The following RABGEF1 variants were observed in gnomAD, a reference collection of about 807,000 sequenced individuals.
The protein encoded by RABGEF1 is rab5 GDP/GTP exchange factor.
In RABGEF1, 26 loss-of-function variants were observed where a neutral mutation model predicts 57.3. That is an observed-to-expected ratio of 0.45 (90% confidence interval 0.33 to 0.63). The LOEUF (loss-of-function observed/expected upper bound fraction) is 0.63. Among genes scored for constraint, RABGEF1 ranks in the 20% least tolerant of loss-of-function variants. The pLI, the probability that RABGEF1 is intolerant of heterozygous loss-of-function variation, is 0.02. For missense variants in RABGEF1, 464 were observed against 607.6 expected (o/e 0.76, Z 2.48); for synonymous variants, 185 against 210.7 (o/e 0.88, Z 1.06).
intron 8 of RABGEF1, among the ~76,000 whole-genome samples, chr7:66,806,353 T>G (rs1788432760): frequency 6.6e-6 from 1 of 152,196 alleles, no homozygotes; most frequent in Non-Finnish European, 1.5e-5. Context: ...TTCCTTTTCC[T>G]GTAAGTAGGT....
At chr7:66,797,571 A>T in intron 6 of RABGEF1, 65 bp downstream of exon 6, 1 of 1,529,824 alleles carries the variant, frequency 6.5e-7, no homozygotes, top group Non-Finnish European at 8.9e-7. Context: ...ACTGGGGGGA[A>T]AATAATGCAC....
chr7:66,781,251 A>C (rs1257001397), intron 3 of RABGEF1, among the ~76,000 whole-genome samples: 1 of 152,106 alleles, frequency 6.6e-6, no homozygotes, highest in Non-Finnish European at 1.5e-5. Flanking sequence ...ACCTACCTTC[A>C]AGTAGTATTA....
At chr7:66,741,605 T>C (rs2129048234) in intron 1 of RABGEF1, among the ~76,000 whole-genome samples, 1 of 152,164 alleles carries the variant, frequency 6.6e-6, no homozygotes, top group East Asian at 1.9e-4. Context: ...AGGTAGGAAA[T>C]TTTCCCAGGA....
chr7:66,792,786 G>C (rs1445408668), intron 4 of RABGEF1, among the ~76,000 whole-genome samples: 2 of 152,166 alleles, frequency 1.3e-5, no homozygotes, highest in Non-Finnish European at 2.9e-5. Flanking sequence ...AACCCATACT[G>C]AGCACTAACC....
At chr7:66,697,002 A>G (rs1792444205) in intron 1 of RABGEF1, among the ~76,000 whole-genome samples, 1 of 151,954 alleles carries the variant, frequency 6.6e-6, no homozygotes, top group Non-Finnish European at 1.5e-5. Context: ...TGCGTGGAGC[A>G]GAGAGAGGAC....
intron 4 of RABGEF1, among the ~76,000 whole-genome samples, chr7:66,795,139 A>T (rs952056998): frequency 2.0e-5 from 3 of 152,072 alleles, no homozygotes; most frequent in African/African-American, 7.2e-5. Flanking sequence ...CCAGGATTCT[A>T]GCTGCTGGCA....
chr7:66,807,113 C>T (rs1048139730), intron 8 of RABGEF1, among the ~76,000 whole-genome samples: 2 of 152,192 alleles, frequency 1.3e-5, no homozygotes, highest in African/African-American at 2.4e-5. Flanking sequence ...CGTGTTTGAG[C>T]GTAGCCACGG....
In RABGEF1 at chr7:66,799,378, C is replaced by A; in HGVS notation, c.784C>A (p.Pro262Thr). ...MLCVPVNEDI[P>T]EVSDMVVKAI... ...GTGTGTCCCTGTTAATGAAGACATC[C>A]CAGAAGTGTCTGATATGGTGGTGAA... The change falls in exon 7 of 9, where the codon CCA becomes ACA. Residue 262 changes from proline (P) to threonine (T), a missense_variant. By Grantham distance (38) the Pro-to-Thr change is conservative (BLOSUM62 -1). Around this residue, in one of 4 missense-constraint regions of RABGEF1, gnomAD observed 284 missense variants for 389.9 expected, o/e 0.73. Coordinates refer to ENST00000284957, the MANE Select transcript of RABGEF1 (RefSeq NM_014504.3). The A allele has an allele frequency of 1.2e-6, 2 of 1,612,376 alleles. No homozygotes were observed. The highest frequency in any genetic ancestry group is 1.1e-5 in the South Asian group (1 of 91,024).
intron 1 of RABGEF1, among the ~76,000 whole-genome samples, chr7:66,763,102 G>A (rs1413806199): frequency 2.0e-5 from 3 of 152,168 alleles, no homozygotes; most frequent in African/African-American, 7.2e-5. Context: ...GCCTCAATCA[G>A]TCGTCCTACT....
intron 1 of RABGEF1, among the ~76,000 whole-genome samples, chr7:66,709,740 A>T (rs1438747993): frequency 6.6e-6 from 1 of 152,162 alleles, no homozygotes; most frequent in African/African-American, 2.4e-5. Flanking sequence ...AAGCCACTGC[A>T]CTCCAGCCTG....
intron 2 of RABGEF1, among the ~76,000 whole-genome samples, chr7:66,722,209 T>C (rs1796130452): frequency 6.6e-6 from 1 of 151,986 alleles, no homozygotes; most frequent in Admixed American, 6.6e-5. Context: ...TGGGGGGCTG[T>C]GGTGGGTGGG....
At chr7:66,670,599 C>T in the RABGEF1 span, among the ~76,000 whole-genome samples, 1 of 152,082 alleles carries the variant, frequency 6.6e-6, no homozygotes, top group Non-Finnish European at 1.5e-5. Context: ...AATCCAAGCA[C>T]TTTGGGAGGC....
chr7:66,749,112 A>C (rs1163765315), intron 1 of RABGEF1: 3 of 153,252 alleles, frequency 2.0e-5, no homozygotes, highest in African/African-American at 7.2e-5. Flanking sequence ...CCTCACCTCC[A>C]TACAGAGATG....
intron 1 of RABGEF1, among the ~76,000 whole-genome samples, chr7:66,706,593 T>TAG (rs1291481708): frequency 6.6e-6 from 1 of 151,028 alleles, no homozygotes; most frequent in Non-Finnish European, 1.5e-5. Flanking sequence ...GTATTTTTAG[T>TAG]AGAGACGGGA....
chr7:66,684,349 CAGG>C (rs1187493986), intron 1 of RABGEF1, among the ~76,000 whole-genome samples: 1 of 152,166 alleles, frequency 6.6e-6, no homozygotes, highest in Non-Finnish European at 1.5e-5. Context: ...GAGGCTGAGG[CAGG>C]AGAATTACTT....
chr7:66,671,069 G>T, the RABGEF1 span, among the ~76,000 whole-genome samples: 3 of 151,848 alleles, frequency 2.0e-5, no homozygotes, highest in African/African-American at 7.3e-5. Flanking sequence ...TTGCTGTGTT[G>T]CCCAGACTGT....
chr7:66,761,404 C>G lies in RABGEF1; in HGVS notation c.-17-10479C>G, dbSNP rs556410263. 2.6e-5 allele frequency among the ~76,000 whole-genome samples: 4 copies of G among 152,288 alleles called. No individual in the cohort carries two copies. In the South Asian group the frequency reaches 8.3e-4, roughly 32 times the overall value. The stretch of plus-strand genomic sequence containing the variant: ...ATTTGCTGAGGTGGTTTACAGAACT[C>G]AGGGAGATGCTTCTGTTTACTGGTT... On this transcript the variant is annotated intron_variant, in intron 1 of 8. Coordinates refer to ENST00000284957, the MANE Select transcript of RABGEF1 (RefSeq NM_014504.3).
intron 1 of RABGEF1, among the ~76,000 whole-genome samples, chr7:66,698,119 C>A (rs1792636086): frequency 1.3e-5 from 2 of 150,074 alleles, no homozygotes; most frequent in Non-Finnish European, 2.9e-5. Flanking sequence ...CACCCTCAGA[C>A]CAGTACTTCA....
At chr7:66,738,327 C>G (rs571914954), upstream of RABGEF1, among the ~76,000 whole-genome samples, 1 of 152,226 alleles carries the variant, frequency 6.6e-6, no homozygotes, top group African/African-American at 2.4e-5. Flanking sequence ...CCAGTCCTCT[C>G]TAGCTTAACC....
Sources: allele counts gnomAD v4.1 joint callset (sites outside exome capture counted in the v4.1 genomes callset), GRCh38; gene constraint gnomAD v4.1.1; regional missense constraint gnomAD v4.1.1; transcripts MANE v1.5; gene names NCBI Gene and HGNC (gene_info 2026-07-23, HGNC 2026-07-21).